GNG12: variants seen among roughly 807,000 people sequenced by gnomAD.
The protein encoded by GNG12 is G protein subunit gamma 12.
For missense variants in GNG12, 69 were observed against 83.8 expected (o/e 0.82, Z 0.69); for synonymous variants, 28 against 29.7 (o/e 0.94, Z 0.19).
intron 1 of GNG12, among the ~76,000 whole-genome samples, chr1:67,796,412 G>A (rs574656253): frequency 2.0e-5 from 3 of 152,122 alleles, no homozygotes; most frequent in African/African-American, 7.2e-5. Context: ...ACTCTGGTTC[G>A]TTAAAGAATT....
chr1:67,814,528 T>A (rs1646943089), intron 1 of GNG12, among the ~76,000 whole-genome samples: 1 of 152,316 alleles, frequency 6.6e-6, no homozygotes, highest in Non-Finnish European at 1.5e-5. Context: ...CATGAGACAG[T>A]TTAAAAATGA....
At chr1:67,823,681 T>C (rs776571613) in intron 1 of GNG12, among the ~76,000 whole-genome samples, 17 of 152,220 alleles carry the variant, frequency 1.1e-4, no homozygotes, top group Admixed American at 2.0e-4. Flanking sequence ...TTTATGGCCA[T>C]TGGCTGTACG....
intron 2 of GNG12, among the ~76,000 whole-genome samples, chr1:67,752,194 T>G (rs1227930228): frequency 6.6e-6 from 1 of 152,138 alleles, no homozygotes; most frequent in Non-Finnish European, 1.5e-5. Context: ...ACTCCTTCAC[T>G]CTCCCACCAC....
intron 2 of GNG12, among the ~76,000 whole-genome samples, chr1:67,775,509 G>C (rs1404407476): frequency 6.6e-6 from 1 of 152,280 alleles, no homozygotes; most frequent in Non-Finnish European, 1.5e-5. Context: ...GTATGAGTTT[G>C]TATTTCAACA....
rs111592995 is a variant in GNG12 at position 67,789,586 on chromosome 1, A to T, written c.-76-12079T>A. 8.6e-3 allele frequency among the ~76,000 whole-genome samples: 1,308 copies of T among 152,306 alleles called. 22 individuals are homozygous for T. The highest frequency in any genetic ancestry group is 0.03 in the African/African-American group (1,256 of 41,560). Reference sequence around the variant, plus strand: ...TTGCCCATGAGGCTTAGTTCTCTAAAGCTATTACTCTTTTTGCCGACACCT... The same window carrying T: ...TTGCCCATGAGGCTTAGTTCTCTAATGCTATTACTCTTTTTGCCGACACCT... On this transcript the variant is annotated intron_variant, in intron 1 of 3. Transcript: ENST00000370982.
At chr1:67,754,242 G>A (rs954424076) in intron 2 of GNG12, among the ~76,000 whole-genome samples, 1 of 151,974 alleles carries the variant, frequency 6.6e-6, no homozygotes, top group East Asian at 1.9e-4. Context: ...CTTCAGCTTG[G>A]TCCCAACCAC....
chr1:67,707,305 T>G (rs950814889), intron 3 of GNG12, among the ~76,000 whole-genome samples: 15 of 152,240 alleles, frequency 9.9e-5, no homozygotes, highest in Admixed American at 8.5e-4. Flanking sequence ...TGTCCCACTT[T>G]AGAACACAGG....
chr1:67,825,779 A>G (rs1647007527), intron 1 of GNG12, among the ~76,000 whole-genome samples: 1 of 152,120 alleles, frequency 6.6e-6, no homozygotes, highest in Non-Finnish European at 1.5e-5. Context: ...AGGAGTTACT[A>G]CTACTCCATT....
At position 67,702,318 on chromosome 1, in the gene GNG12, T is replaced by C. The variant is rs780279783; in HGVS notation, c.*3133A>G. 1 of 152,188 alleles carries C rather than the reference T, an allele frequency of 6.6e-6. No individual in the cohort carries two copies. Among genetic ancestry groups the C allele is most frequent in the Non-Finnish European group, 1.5e-5 (1 of 68,036 alleles). The allele number at this position is 152,188 out of a possible 1,614,324, so 9.4% of individuals were successfully genotyped here. A position where few individuals can be genotyped will look rare whatever the true frequency, so the allele number is the denominator to read the frequency against. ...TTTGGGGGCCTATATAGATCTTACA[T>C]CAAAATTCAGAGGAATTAGTCAGAT... On this transcript the variant is annotated 3_prime_UTR_variant, in exon 4 of 4. Transcript: ENST00000370982.
At chr1:67,782,257 T>C (rs1320425221) in intron 1 of GNG12, among the ~76,000 whole-genome samples, 1 of 152,236 alleles carries the variant, frequency 6.6e-6, no homozygotes, top group African/African-American at 2.4e-5. Context: ...TATTAGATGT[T>C]TGGAGGGCTA....
intron 2 of GNG12, among the ~76,000 whole-genome samples, chr1:67,758,796 T>C (rs1646584972): frequency 6.6e-6 from 1 of 152,110 alleles, no homozygotes; most frequent in Non-Finnish European, 1.5e-5. Flanking sequence ...GAATACCTTA[T>C]TACCAACAAA....
At chr1:67,722,975 C>T (rs1476604169) in intron 2 of GNG12, among the ~76,000 whole-genome samples, 1 of 152,142 alleles carries the variant, frequency 6.6e-6, no homozygotes, top group African/African-American at 2.4e-5. Context: ...AACAAGAGTG[C>T]CTATCTCACA....
intron 2 of GNG12, among the ~76,000 whole-genome samples, chr1:67,771,356 T>C (rs868231225): frequency 5.3e-4 from 80 of 152,228 alleles, no homozygotes; most frequent in Admixed American, 2.1e-3. Flanking sequence ...AAGAAAACTG[T>C]GGCTCAGAGA....
chr1:67,765,588 G>GA (rs199517311), intron 2 of GNG12, among the ~76,000 whole-genome samples: 1,540 of 152,278 alleles, frequency 0.01, 30 homozygotes, highest in African/African-American at 0.034. Context: ...GAAATACATA[G>GA]AAAGGTTTGT....
At chr1:67,831,761 C>G (rs1003316164) in intron 1 of GNG12, among the ~76,000 whole-genome samples, 1 of 152,118 alleles carries the variant, frequency 6.6e-6, no homozygotes, top group Non-Finnish European at 1.5e-5. Context: ...AGAAAAGGGG[C>G]TTGCTAGTAT....
intron 1 of GNG12, among the ~76,000 whole-genome samples, chr1:67,785,312 A>G (rs1176867996): frequency 6.6e-6 from 1 of 152,196 alleles, no homozygotes; most frequent in Non-Finnish European, 1.5e-5. Flanking sequence ...AATAATTTAA[A>G]TAATTTAAAC....
chr1:67,805,972 AAG>A (rs567018251), intron 1 of GNG12, among the ~76,000 whole-genome samples: 50 of 152,182 alleles, frequency 3.3e-4, no homozygotes, highest in African/African-American at 1.1e-3. Context: ...TCATGTAAGC[AAG>A]AGAGTGGAAT....
chr1:67,789,768 C>A (rs182165601), intron 1 of GNG12, among the ~76,000 whole-genome samples: 1 of 152,288 alleles, frequency 6.6e-6, no homozygotes, highest in African/African-American at 2.4e-5. Flanking sequence ...TCTGCCAGAC[C>A]TTTGGTGTAG....
At chr1:67,726,071 G>A (rs1452371709) in intron 2 of GNG12, among the ~76,000 whole-genome samples, 1 of 152,216 alleles carries the variant, frequency 6.6e-6, no homozygotes, top group Non-Finnish European at 1.5e-5. Context: ...ATTCCTGTCT[G>A]TAATCCCCCT....
Sources: gnomAD v4.1 joint callset for allele counts (sites outside exome capture counted in the v4.1 genomes callset) on GRCh38, gnomAD v4.1.1 for gene constraint, MANE v1.5 for transcripts, NCBI Gene and HGNC (gene_info 2026-07-23, HGNC 2026-07-21) for gene names.